Variants in VASH2 observed in about 807,000 individuals in gnomAD.
VASH2 encodes the protein tubulinyl-Tyr carboxypeptidase 2.
In VASH2, 28 loss-of-function variants were observed where a neutral mutation model predicts 37.2. The observed-to-expected ratio is 0.75, with a 90% confidence interval of 0.56 to 1.03. VASH2 has a LOEUF of 1.03. VASH2 is among the 50% of genes least tolerant of loss of function. The probability of loss-of-function intolerance (pLI) is 0.00; values close to 1 mark genes in which losing one functional copy is unlikely to be tolerated. For synonymous variants in VASH2, 188 were observed against 174.7 expected (o/e 1.08, Z -0.60); for missense variants, 419 against 459.1 (o/e 0.91, Z 0.80).
chr1:212,988,709 G>A lies in VASH2; in HGVS notation c.*125G>A, dbSNP rs1005701777. On this transcript the variant is annotated 3_prime_UTR_variant, in exon 8 of 8. Transcript: ENST00000517399. ...GAATTTTATTTTTAAGGATTCACCTGGAAATAGAATCTGAGTGGGTGGTAA... is the reference window on the plus strand; with the variant it reads ...GAATTTTATTTTTAAGGATTCACCTAGAAATAGAATCTGAGTGGGTGGTAA... 1.0e-5 allele frequency: 11 copies of A among 1,056,056 alleles called. No homozygotes were observed. The highest frequency in any genetic ancestry group is 6.3e-5 in the African/African-American group (4 of 63,226). The allele number at this position is 1,056,056 out of a possible 1,614,324, so 65.4% of individuals were successfully genotyped here.
Position 212,951,715 on chromosome 1 carries a change from T to C in VASH2, c.173T>C (p.Ile58Thr). ...CACGTCAACAAGAGCGGCTTCCCCA[T>C]CGACAGCCACACCTGGGAGCGCATG... ...LFHVNKSGFP[I>T]DSHTWERMWM... The change falls in exon 2 of 8, where the codon ATC becomes ACC. Residue 58 changes from isoleucine to threonine, a missense_variant. Physicochemically the swap from Ile to Thr is moderately conservative, Grantham distance 89 (BLOSUM62 -1). This residue lies in a region of VASH2 where 158 missense variants were observed against 163.0 expected (regional missense o/e 0.97). Transcript: ENST00000517399. The surrounding 1 kb of genome is among the most constrained non-coding windows in gnomAD (Gnocchi z 4.4). 1 of 1,604,164 alleles carries C rather than the reference T, an allele frequency of 6.2e-7. No individual in the cohort carries two copies. The highest frequency in any genetic ancestry group is 8.5e-7 in the Non-Finnish European group (1 of 1,176,724).
Position 212,951,504 on chromosome 1 carries a change from G to A in VASH2, c.-39G>A, listed in dbSNP as rs1479726085. 2.2e-5 allele frequency: 27 copies of A among 1,217,514 alleles called. No homozygotes were observed. Among genetic ancestry groups the A allele is most frequent in the Non-Finnish European group, 2.7e-5 (26 of 978,664 alleles). 75.4% of individuals were successfully genotyped at this position (1,217,514 alleles called of 1,614,324 possible). A position where few individuals can be genotyped will look rare whatever the true frequency, so the allele number is the denominator to read the frequency against. ...CGCCGCCGCCGCCGCTGCCGCCGCCGCGCGCCCCCAGTACCTCGCTCCCCG... is the reference window on the plus strand; with the variant it reads ...CGCCGCCGCCGCCGCTGCCGCCGCCACGCGCCCCCAGTACCTCGCTCCCCG... On this transcript the variant is annotated 5_prime_UTR_variant, in exon 2 of 8. Coordinates refer to ENST00000517399, the MANE Select transcript of VASH2 (RefSeq NM_001301056.2). The surrounding 1 kb of genome is among the most constrained non-coding windows in gnomAD (Gnocchi z 4.4).
chr1:212,978,668 C>T (rs939025703), intron 7 of VASH2, among the ~76,000 whole-genome samples: 1 of 152,238 alleles, frequency 6.6e-6, no homozygotes, highest in African/African-American at 2.4e-5. Flanking sequence ...GTCCTCCTTC[C>T]TAAACTGCTC....
chr1:212,971,103 G>A lies in VASH2; in HGVS notation c.498-1477G>A, dbSNP rs1052250760. On this transcript the variant is annotated intron_variant, in intron 5 of 7. Transcript: ENST00000517399. This position sits in a 1 kb window ranked among gnomAD's most constrained non-coding sequence, Gnocchi z 4.0. The stretch of plus-strand genomic sequence containing the variant: ...TGATTTCACTCAGCATGTCTTCAAG[G>A]CTCATTCTGCACATTGCAGAATTTC... Among the ~76,000 whole-genome samples the A allele has an allele frequency of 3.9e-5, 6 of 152,110 alleles. No individual in the cohort carries two copies. Among genetic ancestry groups the A allele is most frequent in the African/African-American group, 1.4e-4 (6 of 41,412 alleles).
At chr1:212,969,299 TCTC>T (rs1358219508) in intron 5 of VASH2, 1 of 623,034 alleles carries the variant, frequency 1.6e-6, no homozygotes, top group African/African-American at 2.0e-5. Context: ...TTCACGCCAT[TCTC>T]CTGCCTCAGC....
chr1:212,980,434 C>A (rs1018775034), intron 7 of VASH2, among the ~76,000 whole-genome samples: 15 of 152,156 alleles, frequency 9.9e-5, no homozygotes, highest in African/African-American at 3.6e-4. Flanking sequence ...TCTTTGCCTC[C>A]CCTTTTCTTC....
At chr1:212,974,980 C>T (rs976944792) in intron 7 of VASH2, 2 of 152,208 alleles carry the variant, frequency 1.3e-5, no homozygotes, top group South Asian at 2.1e-4. Flanking sequence ...GATGATGTAA[C>T]GAGAGTGACT....
intron 7 of VASH2, among the ~76,000 whole-genome samples, chr1:212,978,453 C>T (rs562704812): frequency 2.0e-5 from 3 of 152,204 alleles, no homozygotes; most frequent in Non-Finnish European, 4.4e-5. Context: ...AATTCTCTTC[C>T]ATCACCCTCC....
chr1:212,977,942 C>T (rs939118798), intron 7 of VASH2, among the ~76,000 whole-genome samples: 12 of 152,280 alleles, frequency 7.9e-5, no homozygotes, highest in Non-Finnish European at 1.3e-4. Flanking sequence ...ACTGAGTTGG[C>T]GGTTGACCCT....
intron 2 of VASH2, among the ~76,000 whole-genome samples, chr1:212,956,762 A>C (rs528462552): frequency 6.6e-6 from 1 of 152,286 alleles, no homozygotes; most frequent in Admixed American, 6.5e-5. Context: ...CATTTCTTAT[A>C]TTATTAGAGC....
At chr1:212,955,191 C>T (rs1666448002) in intron 2 of VASH2, among the ~76,000 whole-genome samples, 1 of 152,108 alleles carries the variant, frequency 6.6e-6, no homozygotes, top group Admixed American at 6.5e-5. Flanking sequence ...CCATTTTTGG[C>T]CATTGAATGT....
rs555546445 is a variant in VASH2 at position 212,955,146 on chromosome 1, G to A, written c.276+3328G>A. On this transcript the variant is annotated intron_variant, in intron 2 of 7. Transcript: ENST00000517399. ...AGAAGAAGGGTGGTAGGGTGGCGGC[G>A]GTGGTAAAAGCTTGGCAGGCTTCAG... 1.6e-3 allele frequency among the ~76,000 whole-genome samples: 246 copies of A among 152,288 alleles called. 1 individual carries two copies. The highest frequency in any genetic ancestry group is 2.9e-3 in the Non-Finnish European group (195 of 68,030).
chr1:212,957,104 A>G (rs1180188155), intron 2 of VASH2, among the ~76,000 whole-genome samples: 2 of 152,204 alleles, frequency 1.3e-5, no homozygotes, highest in Non-Finnish European at 2.9e-5. Flanking sequence ...GGAACCTTAT[A>G]TAAGAGGAAT....
intron 7 of VASH2, among the ~76,000 whole-genome samples, chr1:212,980,533 C>T (rs940941121): frequency 1.3e-5 from 2 of 152,168 alleles, no homozygotes; most frequent in African/African-American, 2.4e-5. Flanking sequence ...CCCTGGGGGT[C>T]CCAGAGGTTA....
intron 5 of VASH2, among the ~76,000 whole-genome samples, chr1:212,969,476 G>A (rs981917137): frequency 2.6e-5 from 4 of 151,956 alleles, no homozygotes; most frequent in East Asian, 1.9e-4. Flanking sequence ...GATTATAGGC[G>A]TGAACCACTG....
Position 212,966,986 on chromosome 1 carries a change from C to G in VASH2, c.497+641C>G, listed in dbSNP as rs1264612301. 16 of 642,924 alleles carry G rather than the reference C, an allele frequency of 2.5e-5. No homozygotes were observed. In the Admixed American group the frequency reaches 3.8e-4, roughly 15 times the overall value. The allele number at this position is 642,924 out of a possible 1,614,324, so 39.8% of individuals were successfully genotyped here. On this transcript the variant is annotated intron_variant, in intron 5 of 7. Transcript: ENST00000517399. The stretch of plus-strand genomic sequence containing the variant: ...TCTCAAACTGCTGAGCTCAAGTGAT[C>G]CGCCCACCTCAGCCTCCCAAAGTGT...
intron 7 of VASH2, among the ~76,000 whole-genome samples, chr1:212,985,801 G>C (rs1366580095): frequency 6.6e-6 from 1 of 152,186 alleles, no homozygotes; most frequent in Non-Finnish European, 1.5e-5. Context: ...AAAAGATGAA[G>C]GGCACATACC....
chr1:212,963,351 C>T (rs548530555), intron 3 of VASH2, among the ~76,000 whole-genome samples: 6 of 152,288 alleles, frequency 3.9e-5, no homozygotes, highest in East Asian at 1.9e-4. Flanking sequence ...GGCCACTGCA[C>T]GAGGAAGACA....
intron 4 of VASH2, 165 bp from the exon 5 acceptor site, chr1:212,966,106 T>A (rs1049458179): frequency 3.0e-5 from 19 of 643,358 alleles, no homozygotes; most frequent in Non-Finnish European, 5.0e-5. Flanking sequence ...ACTCCAGGAA[T>A]TAACTCTTGT....
Sources: gnomAD v4.1 joint callset for allele counts (sites outside exome capture counted in the v4.1 genomes callset) on GRCh38, gnomAD v4.1.1 for gene constraint, gnomAD v4.1.1 regional missense constraint, Gnocchi (gnomAD v3.1) non-coding constraint, MANE v1.5 for transcripts, NCBI Gene and HGNC (gene_info 2026-07-23, HGNC 2026-07-21) for gene names.